The following PCDHGB2 variants were observed in gnomAD, a reference collection of about 807,000 sequenced individuals.
PCDHGB2 encodes protocadherin gamma-B2.
Under a neutral mutation model 59.3 loss-of-function variants are expected in PCDHGB2, and 55 were observed. The observed-to-expected ratio is 0.93, with a 90% confidence interval of 0.75 to 1.16. PCDHGB2 has a LOEUF of 1.16. PCDHGB2 is among the 50% of genes most tolerant of loss of function. The pLI is 0.00. For missense variants in PCDHGB2, 1,228 were observed against 1,198.5 expected (o/e 1.02, Z -0.36); for synonymous variants, 516 against 512.0 (o/e 1.01, Z -0.11).
At chr5:141,374,221 C>T (rs1290951545) in intron 1 of PCDHGB2, 12 of 1,613,878 alleles carry the variant, frequency 7.4e-6, no homozygotes, top group African/African-American at 6.7e-5. Flanking sequence ...CCTTCGTAGG[C>T]AACATCGTCA....
chr5:141,377,234 A>G (rs930126053), intron 1 of PCDHGB2: 14 of 152,160 alleles, frequency 9.2e-5, no homozygotes, highest in African/African-American at 3.1e-4. Flanking sequence ...TTTTCCTACT[A>G]TGTGACATTT....
chr5:141,497,825 C>T (rs1015168533), intron 2 of PCDHGB2, among the ~76,000 whole-genome samples: 3 of 152,154 alleles, frequency 2.0e-5, no homozygotes, highest in Admixed American at 6.5e-5. Context: ...CAGGTGTGAT[C>T]GCCCCCGGCC....
intron 1 of PCDHGB2, among the ~76,000 whole-genome samples, chr5:141,454,795 A>G (rs79012896): frequency 9.1e-6 from 1 of 110,272 alleles, no homozygotes; most frequent in South Asian, 3.0e-4. Flanking sequence ...CCATGGTTCT[A>G]ATTTTTTTTT....
chr5:141,447,328 C>T (rs546209008), intron 1 of PCDHGB2, among the ~76,000 whole-genome samples: 39 of 151,886 alleles, frequency 2.6e-4, no homozygotes, highest in Admixed American at 7.2e-4. Flanking sequence ...TTAGTAGAGA[C>T]GGGTTTCATC....
At chr5:141,427,923 C>T (rs2097089935) in intron 1 of PCDHGB2, 3 of 1,580,656 alleles carry the variant, frequency 1.9e-6, no homozygotes, top group African/African-American at 1.3e-5. Context: ...CATGAGCCGG[C>T]GCATGTTGGT....
Position 141,486,929 on chromosome 5 carries a change from G to A in PCDHGB2, c.2422-7878G>A. 2.5e-6 allele frequency: 4 copies of A among 1,614,226 alleles called. No individual in the cohort carries two copies. Among genetic ancestry groups the A allele is most frequent in the Non-Finnish European group, 2.5e-6 (3 of 1,180,038 alleles). ...CCAAGCACTGCCTCCATCAGTTGGT[G>A]CTGGCCACCTAATCACAAAGGTGAC... On this transcript the variant is annotated intron_variant, in intron 1 of 3. Transcript: ENST00000522605. This position sits in a 1 kb window ranked among gnomAD's most constrained non-coding sequence, Gnocchi z 5.0.
At chr5:141,408,274 G>T (rs773254664) in intron 1 of PCDHGB2, 2 of 1,611,590 alleles carry the variant, frequency 1.2e-6, no homozygotes, top group Non-Finnish European at 1.7e-6. Flanking sequence ...TGCTGCCTTT[G>T]TTCTACCCCA....
rs1405589878 is a variant in PCDHGB2 at position 141,504,323 on chromosome 5, T to A, written c.2481-1070T>A. On this transcript the variant is annotated intron_variant, in intron 2 of 3. Transcript: ENST00000522605. ...CACTCGGAGTTTCTAAAAGTCTCAC[T>A]TAGGTCCAAGTGCTAGGCTTTGTGC... Among the ~76,000 whole-genome samples, 4 of 152,114 alleles carry A rather than the reference T, an allele frequency of 2.6e-5. No individual in the cohort carries two copies. In the East Asian group the frequency reaches 7.7e-4, roughly 29 times the overall value.
rs1460703461 is a variant in PCDHGB2 at position 141,490,596 on chromosome 5, C to G, written c.2422-4211C>G. 2.5e-6 allele frequency: 4 copies of G among 1,614,052 alleles called. No homozygotes were observed. The African/African-American group carries it at 4.0e-5, about 16-fold the overall frequency. On this transcript the variant is annotated intron_variant, in intron 1 of 3. Transcript: ENST00000522605. The surrounding 1 kb of genome is among the most constrained non-coding windows in gnomAD (Gnocchi z 5.4). Reference sequence around the variant, plus strand: ...TTTCAGATGTCAATGACAATGCACCCCGCTTCAACCAGCAGCTTTACACTG... The same window carrying G: ...TTTCAGATGTCAATGACAATGCACCGCGCTTCAACCAGCAGCTTTACACTG...
chr5:141,372,630 A>G, intron 1 of PCDHGB2: 1 of 1,614,014 alleles, frequency 6.2e-7, no homozygotes, highest in Non-Finnish European at 8.5e-7. Flanking sequence ...CTACAGCGAA[A>G]GGACTTTGCC....
chr5:141,393,373 A>G lies in PCDHGB2; in HGVS notation c.2421+30817A>G, dbSNP rs1364997808. 1 of 1,613,956 alleles carries G rather than the reference A, an allele frequency of 6.2e-7. No homozygotes were observed. The highest frequency in any genetic ancestry group is 1.3e-5 in the African/African-American group (1 of 75,054). On this transcript the variant is annotated intron_variant, in intron 1 of 3. Transcript: ENST00000522605. ...TCCCTGGACGTGCAGACTGGAGACA[A>G]TGGAGCCATAAACCCAGAGCTGGTG...
chr5:141,492,122 C>G (rs2154587050), intron 1 of PCDHGB2, among the ~76,000 whole-genome samples: 1 of 152,328 alleles, frequency 6.6e-6, no homozygotes, highest in Admixed American at 6.5e-5. Context: ...GATTTCTCCC[C>G]AGCTCCCAGC....
At chr5:141,466,624 G>C (rs1279938026) in intron 1 of PCDHGB2, among the ~76,000 whole-genome samples, 1 of 152,038 alleles carries the variant, frequency 6.6e-6, no homozygotes, top group Non-Finnish European at 1.5e-5. Context: ...GTTTTCTTTG[G>C]AGCATTGTCT....
chr5:141,376,578 AT>A (rs1281725359), intron 1 of PCDHGB2: 1 of 1,590,896 alleles, frequency 6.3e-7, no homozygotes, highest in South Asian at 1.1e-5. Flanking sequence ...AGACAGGCTC[AT>A]CAGCTAGATC....
At chr5:141,407,407 G>A (rs558103918) in intron 1 of PCDHGB2, among the ~76,000 whole-genome samples, 17 of 152,216 alleles carry the variant, frequency 1.1e-4, no homozygotes, top group African/African-American at 3.6e-4. Context: ...GTTACTATTC[G>A]ATACCACAAA....
chr5:141,409,567 G>A (rs974585499), intron 1 of PCDHGB2: 1 of 1,613,896 alleles, frequency 6.2e-7, no homozygotes, highest in African/African-American at 1.3e-5. Flanking sequence ...TCGACCAGAC[G>A]TCCTACGTGG....
At chr5:141,371,506 C>G in intron 1 of PCDHGB2, 1 of 1,613,856 alleles carries the variant, frequency 6.2e-7, no homozygotes, top group Non-Finnish European at 8.5e-7. Flanking sequence ...CTGATCAAAA[C>G]ACATGATCTA....
At chr5:141,410,585 G>A in intron 1 of PCDHGB2, 1 of 1,610,012 alleles carries the variant, frequency 6.2e-7, no homozygotes, top group South Asian at 1.1e-5. Flanking sequence ...TCATGGTGGG[G>A]AGGATTTGAC....
At chr5:141,479,573 C>A (rs1468041584) in intron 1 of PCDHGB2, 1 of 152,230 alleles carries the variant, frequency 6.6e-6, no homozygotes, top group Admixed American at 6.5e-5. Flanking sequence ...GGGATGACAT[C>A]TGTGAATAGC....
Sources: gnomAD v4.1 joint callset for allele counts (sites outside exome capture counted in the v4.1 genomes callset) on GRCh38, gnomAD v4.1.1 for gene constraint, Gnocchi (gnomAD v3.1) non-coding constraint, MANE v1.5 for transcripts, NCBI Gene and HGNC (gene_info 2026-07-23, HGNC 2026-07-21) for gene names.